PAQR5: variants seen among roughly 807,000 people sequenced by gnomAD.
PAQR5 encodes membrane progestin receptor gamma.
A neutral mutation model predicts 34.5 loss-of-function variants in PAQR5; 20 were observed. The ratio of observed to expected loss-of-function variants is 0.58; its 90% CI spans 0.41 to 0.84. The LOEUF (loss-of-function observed/expected upper bound fraction) is 0.84, where lower values mean the gene tolerates loss of function less well. PAQR5 is among the 40% of genes least tolerant of loss of function. PAQR5 has a pLI of 0.00. For missense variants in PAQR5, 378 were observed against 412.7 expected (o/e 0.92, Z 0.73); for synonymous variants, 131 against 155.6 (o/e 0.84, Z 1.18).
Position 69,406,411 on chromosome 15 carries a change from C to G in PAQR5, c.*2589C>G, listed in dbSNP as rs2056750258. On this transcript the variant is annotated 3_prime_UTR_variant, in exon 9 of 9. Transcript: ENST00000395407. ...ATTGCTCAGTTTTTAGAAAATAATT[C>G]TCATCTTTTTTCTAAAGAAATGAAT... 6.6e-6 allele frequency: 1 copy of G among 152,158 alleles called. No homozygotes were observed. The highest frequency in any genetic ancestry group is 2.4e-5 in the African/African-American group (1 of 41,418). 9.4% of individuals were successfully genotyped at this position (152,158 alleles called of 1,614,324 possible).
chr15:69,348,400 A>G (rs1281951291), intron 2 of PAQR5, among the ~76,000 whole-genome samples: 2 of 152,222 alleles, frequency 1.3e-5, no homozygotes, highest in Non-Finnish European at 2.9e-5. Flanking sequence ...ACGGTGAAGC[A>G]GTCTTTGAAC....
At chr15:69,309,261 G>A (rs2053779968) in intron 1 of PAQR5, among the ~76,000 whole-genome samples, 2 of 152,204 alleles carry the variant, frequency 1.3e-5, no homozygotes, top group Non-Finnish European at 2.9e-5. Context: ...AGTTCCAAGA[G>A]AGATAGTGGA....
At position 69,401,710 on chromosome 15, in the gene PAQR5, C is replaced by T. The variant is rs576654847; in HGVS notation, c.751+1595C>T. Among the ~76,000 whole-genome samples, 177 of 152,338 alleles carry T rather than the reference C, an allele frequency of 1.2e-3. 1 individual carries two copies. Among genetic ancestry groups the T allele is most frequent in the African/African-American group, 4.2e-3 (175 of 41,576 alleles). On this transcript the variant is annotated intron_variant, in intron 8 of 8. Transcript: ENST00000395407. Reference sequence around the variant, plus strand: ...TCCTAGAAAATAGTTCATGACAGATCATTAACAAGATTTGGAACATTCTCA... The same window carrying T: ...TCCTAGAAAATAGTTCATGACAGATTATTAACAAGATTTGGAACATTCTCA...
At chr15:69,348,858 C>T (rs574114086) in intron 2 of PAQR5, among the ~76,000 whole-genome samples, 2 of 152,224 alleles carry the variant, frequency 1.3e-5, no homozygotes, top group Non-Finnish European at 1.5e-5. Context: ...TGCCCAGGCC[C>T]GATGGAGTGG....
rs1478808204 is a variant in PAQR5, at chr15:69,406,327, T to C, written c.*2505T>C. ...TGTGATAAAACTTGAATGTGTATGA[T>C]GAATAAGGCCATTCAGTTAACTTTA... is the stretch of plus-strand genomic sequence containing the variant. On this transcript the variant is annotated 3_prime_UTR_variant, in exon 9 of 9. Transcript: ENST00000395407. The C allele has an allele frequency of 1.3e-5, 2 of 152,248 alleles. No individual in the cohort carries two copies. Among genetic ancestry groups the C allele is most frequent in the Non-Finnish European group, 2.9e-5 (2 of 68,046 alleles). 9.4% of individuals were successfully genotyped at this position (152,248 alleles called of 1,614,324 possible).
intron 6 of PAQR5, among the ~76,000 whole-genome samples, chr15:69,394,992 G>T (rs1330608161): frequency 6.6e-6 from 1 of 152,226 alleles, no homozygotes; most frequent in African/African-American, 2.4e-5. Flanking sequence ...GCGAAATGTT[G>T]TCTCAAGTCA....
intron 2 of PAQR5, among the ~76,000 whole-genome samples, chr15:69,354,677 C>T (rs766090184): frequency 3.9e-5 from 6 of 152,072 alleles, no homozygotes; most frequent in Non-Finnish European, 7.4e-5. Context: ...TTTTAGGTGT[C>T]CACTTGACTG....
intron 3 of PAQR5, among the ~76,000 whole-genome samples, chr15:69,376,933 A>C (rs2055723299): frequency 6.6e-6 from 1 of 151,966 alleles, no homozygotes; most frequent in Non-Finnish European, 1.5e-5. Flanking sequence ...CTTTTCCTCT[A>C]GCTTCTGTCC....
chr15:69,344,325 T>C (rs8026201), intron 2 of PAQR5, among the ~76,000 whole-genome samples: 132,971 of 152,240 alleles, frequency 0.87, 58,852 homozygotes, highest in Non-Finnish European at 0.96. Flanking sequence ...ATAGCTGTCA[T>C]GCCAGAGAGA....
chr15:69,387,656 A>C (rs75722787), intron 5 of PAQR5, among the ~76,000 whole-genome samples: 1,630 of 152,306 alleles, frequency 0.011, 25 homozygotes, highest in African/African-American at 0.036. Flanking sequence ...CAGGTCACAC[A>C]GCTGTGCATG....
At chr15:69,299,553 G>C (rs1242820957) in intron 1 of PAQR5, among the ~76,000 whole-genome samples, 1 of 152,198 alleles carries the variant, frequency 6.6e-6, no homozygotes, top group African/African-American at 2.4e-5. Flanking sequence ...CACTGCCTGC[G>C]GGGGTCGTCC....
chr15:69,375,666 C>T (rs560440758), intron 3 of PAQR5, among the ~76,000 whole-genome samples: 4 of 152,234 alleles, frequency 2.6e-5, no homozygotes, highest in South Asian at 2.1e-4. Flanking sequence ...GCTTTGCTTC[C>T]GTTACTTTTG....
chr15:69,367,407 C>T (rs1054070105), intron 3 of PAQR5, among the ~76,000 whole-genome samples: 17 of 152,114 alleles, frequency 1.1e-4, no homozygotes, highest in African/African-American at 4.1e-4. Context: ...CAGGGTCAGG[C>T]TATGCTGAGT....
intron 3 of PAQR5, among the ~76,000 whole-genome samples, chr15:69,374,480 A>T (rs1042486481): frequency 8.5e-5 from 13 of 152,298 alleles, no homozygotes; most frequent in East Asian, 1.9e-4. Context: ...GTTTGAGACC[A>T]GCCTGACCAA....
chr15:69,368,347 G>A (rs546686285), intron 3 of PAQR5, among the ~76,000 whole-genome samples: 26 of 152,256 alleles, frequency 1.7e-4, no homozygotes, highest in Middle Eastern at 3.4e-3. Flanking sequence ...GCCACTGTGC[G>A]TCTGCTTTTA....
At chr15:69,381,972 C>A (rs1469368327) in intron 4 of PAQR5, among the ~76,000 whole-genome samples, 2 of 152,106 alleles carry the variant, frequency 1.3e-5, no homozygotes, top group African/African-American at 4.8e-5. Context: ...GCAGGCGGGA[C>A]CTCATGCGTG....
At chr15:69,337,232 T>C (rs1380114226) in intron 1 of PAQR5, 109 bp from the exon 2 acceptor site, 1 of 152,258 alleles carries the variant, frequency 6.6e-6, no homozygotes, top group Non-Finnish European at 1.5e-5. Flanking sequence ...TATTTGTTTC[T>C]CTCTACCTGA....
intron 2 of PAQR5, among the ~76,000 whole-genome samples, chr15:69,346,855 C>T (rs769309131): frequency 9.9e-5 from 15 of 151,164 alleles, no homozygotes; most frequent in South Asian, 8.4e-4. Flanking sequence ...GAGTCTCTGT[C>T]GCCCAGGCTG....
chr15:69,321,787 T>C (rs538138842), intron 1 of PAQR5, among the ~76,000 whole-genome samples: 4 of 152,196 alleles, frequency 2.6e-5, no homozygotes, highest in African/African-American at 9.6e-5. Context: ...GCAGAAGTCA[T>C]TCAGTGGCTC....
Sources: gnomAD v4.1 joint callset for allele counts (sites outside exome capture counted in the v4.1 genomes callset) on GRCh38, gnomAD v4.1.1 for gene constraint, MANE v1.5 for transcripts, NCBI Gene and HGNC (gene_info 2026-07-23, HGNC 2026-07-21) for gene names.